C2orf42: variants seen among roughly 807,000 people sequenced by gnomAD.
C2orf42 encodes the protein chromosome 2 open reading frame 42, also known as uncharacterized protein C2orf42.
In C2orf42, 44 loss-of-function variants were observed where a neutral mutation model predicts 58.9. The ratio of observed to expected loss-of-function variants is 0.75; its 90% CI spans 0.59 to 0.96. The LOEUF is 0.96. Among genes scored for constraint, C2orf42 ranks in the 40% least tolerant of loss-of-function variants. The probability of loss-of-function intolerance (pLI) is 0.00; values close to 1 mark genes in which losing one functional copy is unlikely to be tolerated. For missense variants in C2orf42, 630 were observed against 699.2 expected (o/e 0.90, Z 1.12); for synonymous variants, 239 against 265.4 (o/e 0.90, Z 0.97).
At chr2:70,163,874 A>G (rs936529513) in intron 8 of C2orf42, among the ~76,000 whole-genome samples, 1 of 151,814 alleles carries the variant, frequency 6.6e-6, no homozygotes, top group African/African-American at 2.4e-5. Context: ...ATAAAAACAT[A>G]AAATGTCTAG....
intron 9 of C2orf42, among the ~76,000 whole-genome samples, chr2:70,155,590 G>C (rs1320041214): frequency 6.6e-6 from 1 of 152,042 alleles, no homozygotes; most frequent in East Asian, 1.9e-4. Flanking sequence ...CCTGAGGTCA[G>C]GAGTTCGAGA....
At chr2:70,161,031 A>C (rs1406502926) in intron 8 of C2orf42, among the ~76,000 whole-genome samples, 1 of 152,100 alleles carries the variant, frequency 6.6e-6, no homozygotes, top group Non-Finnish European at 1.5e-5. Flanking sequence ...CTATATACCA[A>C]TTGAGCCTCT....
intron 6 of C2orf42, among the ~76,000 whole-genome samples, chr2:70,167,242 C>T (rs1243938923): frequency 1.3e-5 from 2 of 151,852 alleles, no homozygotes; most frequent in East Asian, 1.9e-4. Context: ...CCTGTAGTCC[C>T]AGCTACTTGG....
intron 5 of C2orf42, among the ~76,000 whole-genome samples, chr2:70,171,949 G>A (rs1369711506): frequency 2.6e-5 from 4 of 151,928 alleles, no homozygotes; most frequent in South Asian, 2.1e-4. Context: ...GAAGCTGGGT[G>A]CAGTGGCTCA....
intron 9 of C2orf42, among the ~76,000 whole-genome samples, chr2:70,158,900 CTTTTTTTTT>C (rs34839050): frequency 2.8e-5 from 3 of 106,288 alleles, no homozygotes; most frequent in African/African-American, 3.9e-5. Flanking sequence ...CCGAGTATTC[CTTTTTTTTT>C]TTTTTTTTTT....
chr2:70,170,177 T>C (rs1457175801), intron 5 of C2orf42, among the ~76,000 whole-genome samples: 16 of 118,762 alleles, frequency 1.3e-4, no homozygotes, highest in African/African-American at 6.6e-4. Context: ...AATAAGTTTG[T>C]CCAGAAAAAA....
chr2:70,165,624 G>A lies in C2orf42; in HGVS notation c.1156C>T (p.Pro386Ser). Residue 386 changes from proline to serine, a missense_variant, in exon 7 of 10, where the codon CCA becomes TCA. Coordinates refer to ENST00000264434, the MANE Select transcript of C2orf42 (RefSeq NM_017880.3). ...MHYQFDGKPE[P>S]LVFHIPQSFF... The stretch of plus-strand genomic sequence containing the variant: ...GACTGAGGAATGTGGAACACCAATG[G>A]TTCTGGTTTGCCTATGGGAAACAAG... The A allele has an allele frequency of 1.3e-6, 2 of 1,599,718 alleles. No homozygotes were observed. Among genetic ancestry groups the A allele is most frequent in the Non-Finnish European group, 8.6e-7 (1 of 1,167,022 alleles).
rs373387676 is a variant in C2orf42 at position 70,181,606 on chromosome 2, C to A, written c.380G>T (p.Gly127Val). 6.8e-6 allele frequency: 11 copies of A among 1,614,086 alleles called. No homozygotes were observed. The highest frequency in any genetic ancestry group is 8.5e-6 in the Non-Finnish European group (10 of 1,180,020). ...GTGCTGGCACTGGTTTTCCACAACG[C>A]CTTGAGTGGCAGCTTTCAGGCATGA... is the stretch of plus-strand genomic sequence containing the variant. Reference protein sequence around the residue: ...VPSCLKAATQGVVENQCQHIK... With the variant: ...VPSCLKAATQVVVENQCQHIK... The change falls in exon 3 of 10, where the codon GGC becomes GTC. Residue 127 changes from glycine to valine, a missense_variant. By Grantham distance (109) the Gly-to-Val change is moderately radical. Coordinates refer to ENST00000264434, the MANE Select transcript of C2orf42 (RefSeq NM_017880.3).
chr2:70,173,974 A>C (rs1223946377), intron 5 of C2orf42, among the ~76,000 whole-genome samples: 1 of 152,116 alleles, frequency 6.6e-6, no homozygotes, highest in Non-Finnish European at 1.5e-5. Flanking sequence ...ACATCCTGCA[A>C]GACACCTGCT....
chr2:70,183,570 C>T (rs754584486), intron 1 of C2orf42, among the ~76,000 whole-genome samples: 9 of 150,176 alleles, frequency 6.0e-5, no homozygotes, highest in Non-Finnish European at 8.9e-5. Context: ...GCTGGGACTA[C>T]GGGCACATGC....
At chr2:70,155,612 A>G (rs927301371) in intron 9 of C2orf42, among the ~76,000 whole-genome samples, 2 of 151,830 alleles carry the variant, frequency 1.3e-5, no homozygotes, top group African/African-American at 4.8e-5. Flanking sequence ...CAGCCTGACC[A>G]ATATGGTGAA....
Position 70,181,299 on chromosome 2 carries a change from CAG to C in C2orf42, c.685_686del (p.Leu229GlufsTer11), listed in dbSNP as rs1674549365. 3 of 1,613,898 alleles carry C rather than the reference CAG, an allele frequency of 1.9e-6. No individual in the cohort carries two copies. Among genetic ancestry groups the C allele is most frequent in the Admixed American group, 3.3e-5 (2 of 59,978 alleles). Reference sequence around the variant, plus strand: ...TGGAGGCATTTGACTTGTGCGATTTCAGAGTCTGACAGGAGCAGAAGAAGCGG... The same window carrying C: ...TGGAGGCATTTGACTTGTGCGATTTCAGTCTGACAGGAGCAGAAGAAGCGG... ...ERRFFCSCQT[L>X]KSHKSNASKD... On this transcript the variant is annotated frameshift_variant, in exon 3 of 10. Coordinates refer to ENST00000264434, the MANE Select transcript of C2orf42 (RefSeq NM_017880.3). LOFTEE classifies it high-confidence loss of function.
chr2:70,158,616 A>G (rs1672852512), intron 9 of C2orf42, among the ~76,000 whole-genome samples: 1 of 151,860 alleles, frequency 6.6e-6, no homozygotes, highest in Non-Finnish European at 1.5e-5. Flanking sequence ...CACCCAGCTA[A>G]TGTTTTGCAT....
chr2:70,185,268 C>T (rs1171750352), intron 1 of C2orf42, among the ~76,000 whole-genome samples: 5 of 151,656 alleles, frequency 3.3e-5, no homozygotes, highest in Non-Finnish European at 5.9e-5. Context: ...ATTATCTGGG[C>T]GTGGTGGTGC....
intron 5 of C2orf42, among the ~76,000 whole-genome samples, chr2:70,173,075 T>C (rs1452192502): frequency 6.6e-6 from 1 of 151,612 alleles, no homozygotes; most frequent in Admixed American, 6.6e-5. Flanking sequence ...AGGCACGAGA[T>C]GAACCTGGGA....
At chr2:70,153,991 T>C (rs993596489) in intron 9 of C2orf42, among the ~76,000 whole-genome samples, 50 of 150,326 alleles carry the variant, frequency 3.3e-4, no homozygotes, top group Middle Eastern at 3.4e-3. Context: ...AGGTGGAGGT[T>C]GCAGTGAGCC....
At chr2:70,190,467 CTA>C (rs1675275970) in intron 1 of C2orf42, 1 of 152,234 alleles carries the variant, frequency 6.6e-6, no homozygotes. Context: ...GAGGTAGATA[CTA>C]TGTTACCCAT....
At chr2:70,162,027 T>C (rs1211239149) in intron 8 of C2orf42, among the ~76,000 whole-genome samples, 2 of 151,838 alleles carry the variant, frequency 1.3e-5, no homozygotes, top group Middle Eastern at 3.4e-3. Context: ...TTCTTTTTTT[T>C]TGGAGATGGA....
At position 70,155,940 on chromosome 2, in the gene C2orf42, G is replaced by A. The variant is rs1672646154; in HGVS notation, c.1516+4685C>T. On this transcript the variant is annotated intron_variant, in intron 9 of 9. Transcript: ENST00000264434. ...GGAGGCTGAGGCGGGCAGATCACCT[G>A]AGGTTGGGAATTCAAGACCAGTCTG... is the stretch of plus-strand genomic sequence containing the variant. Among the ~76,000 whole-genome samples, 3 of 152,192 alleles carry A rather than the reference G, an allele frequency of 2.0e-5. No individual in the cohort carries two copies. In the South Asian group the frequency reaches 6.2e-4, roughly 32 times the overall value.
Sources: allele counts gnomAD v4.1 joint callset (sites outside exome capture counted in the v4.1 genomes callset), GRCh38; gene constraint gnomAD v4.1.1; transcripts MANE v1.5; gene names NCBI Gene and HGNC (gene_info 2026-07-23, HGNC 2026-07-21).